Variants in HOXC5 observed in about 807,000 individuals in gnomAD.
HOXC5 encodes the protein homeobox protein Hox-C5.
A neutral mutation model predicts 20.1 loss-of-function variants in HOXC5; 19 were observed. The observed-to-expected ratio is 0.94, with a 90% CI of 0.66 to 1.38. The LOEUF (loss-of-function observed/expected upper bound fraction) is 1.38. Among genes scored for constraint, HOXC5 ranks in the 40% most tolerant of loss-of-function variants. The pLI, the probability that HOXC5 is intolerant of heterozygous loss-of-function variation, is 0.00. For synonymous variants in HOXC5, 124 were observed against 117.0 expected (o/e 1.06, Z -0.39); for missense variants, 330 against 300.1 (o/e 1.10, Z -0.74).
chr12:54,025,529 G>GC, the HOXC5 span, among the ~76,000 whole-genome samples: 1 of 36,838 alleles, frequency 2.7e-5, no homozygotes, highest in Non-Finnish European at 7.0e-5. Context: ...AAGGTAATTG[G>GC]GGGGGGGGGA....
At chr12:54,030,078 A>C, upstream of HOXC5, 1 of 1,077,912 alleles carries the variant, frequency 9.3e-7, no homozygotes, top group Non-Finnish European at 1.3e-6. Flanking sequence ...GATTCCCTAA[A>C]ACAAAATTAG....
At chr12:54,024,639 G>T in the HOXC5 span, among the ~76,000 whole-genome samples, 1 of 152,128 alleles carries the variant, frequency 6.6e-6, no homozygotes, top group African/African-American at 2.4e-5. Context: ...GCCTGCCCAC[G>T]AACTTCTTCA....
At chr12:54,027,776 C>T in the HOXC5 span, among the ~76,000 whole-genome samples, 634 of 152,284 alleles carry the variant, frequency 4.2e-3, 5 homozygotes, top group African/African-American at 0.014. Flanking sequence ...TCCAGCTCTG[C>T]CACTGTACCC....
upstream of HOXC5, chr12:54,030,099 G>A (rs1390296133): frequency 2.5e-5 from 22 of 888,890 alleles, no homozygotes; most frequent in East Asian, 1.6e-4. Flanking sequence ...GGAGTCAAAC[G>A]TGGACCTGAA....
In HOXC5 at chr12:54,034,551, C is replaced by G; in HGVS notation, c.*59C>G. ...AGCCGGTTCCTGTCCCTGCGCCTTTCCTTTTCGCCTTTCCTCTCTATATTT... is the reference window on the plus strand; with the variant it reads ...AGCCGGTTCCTGTCCCTGCGCCTTTGCTTTTCGCCTTTCCTCTCTATATTT... On this transcript the variant is annotated 3_prime_UTR_variant, in exon 2 of 2. Coordinates refer to ENST00000312492, the MANE Select transcript of HOXC5 (RefSeq NM_018953.4). 7.2e-7 allele frequency: 1 copy of G among 1,388,562 alleles called. No homozygotes were observed. The highest frequency in any genetic ancestry group is 1.2e-5 in the South Asian group (1 of 84,020). 86.0% of individuals were successfully genotyped at this position (1,388,562 alleles called of 1,614,324 possible).
chr12:54,032,298 G>C (rs954015945), upstream of HOXC5, among the ~76,000 whole-genome samples: 2 of 152,134 alleles, frequency 1.3e-5, no homozygotes, highest in Admixed American at 1.3e-4. Context: ...CCCCTATCTT[G>C]TTCTGACCAC....
chr12:54,029,670 C>A, upstream of HOXC5: 2 of 1,613,094 alleles, frequency 1.2e-6, no homozygotes, highest in Non-Finnish European at 1.7e-6. Flanking sequence ...GGCTACGGAG[C>A]GGACCGGAGG....
upstream of HOXC5, among the ~76,000 whole-genome samples, chr12:54,031,107 C>G (rs1940968442): frequency 6.6e-6 from 1 of 152,278 alleles, no homozygotes; most frequent in Non-Finnish European, 1.5e-5. Context: ...TCGGTTTGGG[C>G]ACCAACCCCA....
chr12:54,032,845 T>C (rs1305901439), upstream of HOXC5: 2 of 167,312 alleles, frequency 1.2e-5, no homozygotes, highest in African/African-American at 2.7e-5. Flanking sequence ...TCACTCCCTC[T>C]CCCCCTTGGT....
chr12:54,029,303 G>C (rs543480744), upstream of HOXC5, among the ~76,000 whole-genome samples: 4 of 152,314 alleles, frequency 2.6e-5, no homozygotes, highest in South Asian at 8.3e-4. Context: ...GGGGAGATGG[G>C]GGAGCCCAGT....
the HOXC5 span, among the ~76,000 whole-genome samples, chr12:54,025,109 G>T: frequency 1.3e-5 from 2 of 152,170 alleles, no homozygotes; most frequent in Non-Finnish European, 2.9e-5. Context: ...GGGTTGGGGG[G>T]TAGTGTTCTC....
At chr12:54,029,486 C>T (rs1439380779), upstream of HOXC5, 2 of 364,626 alleles carry the variant, frequency 5.5e-6, no homozygotes, top group East Asian at 1.5e-4. Flanking sequence ...TTGGGGTCCT[C>T]GCTGTACCCC....
chr12:54,024,480 A>T, the HOXC5 span, among the ~76,000 whole-genome samples: 1 of 152,304 alleles, frequency 6.6e-6, no homozygotes, highest in Admixed American at 6.5e-5. Flanking sequence ...GAGAGAGGAG[A>T]CAGGGAGAAC....
At chr12:54,028,764 A>G (rs764263179), upstream of HOXC5, 13 of 1,614,022 alleles carry the variant, frequency 8.1e-6, no homozygotes, top group Admixed American at 2.2e-4. Flanking sequence ...ACCAGGAGAA[A>G]GACATGCTCT....
At chr12:54,027,125 T>C in the HOXC5 span, among the ~76,000 whole-genome samples, 4,886 of 152,384 alleles carry the variant, frequency 0.032, 133 homozygotes, top group Middle Eastern at 0.051. Context: ...TCAGTTCGCC[T>C]ACTGCGGCTC....
upstream of HOXC5, chr12:54,029,671 G>A: frequency 1.9e-6 from 3 of 1,613,278 alleles, no homozygotes; most frequent in Non-Finnish European, 2.5e-6. Context: ...GCTACGGAGC[G>A]GACCGGAGGC....
upstream of HOXC5, chr12:54,028,969 T>A: frequency 6.5e-7 from 1 of 1,529,918 alleles, no homozygotes; most frequent in South Asian, 1.2e-5. Flanking sequence ...TGAACTGGCT[T>A]TATGACCGGC....
At chr12:54,025,443 A>C in the HOXC5 span, among the ~76,000 whole-genome samples, 2 of 151,022 alleles carry the variant, frequency 1.3e-5, no homozygotes, top group Admixed American at 1.3e-4. Flanking sequence ...CTTGGAGCGA[A>C]TCCTTTCAGC....
the HOXC5 span, chr12:54,017,485 G>A: frequency 6.6e-6 from 1 of 151,928 alleles, no homozygotes; most frequent in Admixed American, 6.5e-5. Flanking sequence ...GGACAGCAGC[G>A]GCTTCTCTTG....
Sources: allele counts gnomAD v4.1 joint callset (sites outside exome capture counted in the v4.1 genomes callset), GRCh38; gene constraint gnomAD v4.1.1; transcripts MANE v1.5; gene names NCBI Gene and HGNC (gene_info 2026-07-23, HGNC 2026-07-21).